CSMD1: variants seen among roughly 807,000 people sequenced by gnomAD.
CSMD1 encodes CUB and sushi domain-containing protein 1.
A neutral mutation model predicts 417.5 loss-of-function variants in CSMD1; 213 were observed. The observed-to-expected ratio is 0.51, with a 90% CI of 0.46 to 0.57. The LOEUF (loss-of-function observed/expected upper bound fraction) is 0.57, where lower values mean the gene tolerates loss of function less well. Ranked by LOEUF, CSMD1 falls within the 20% of genes least tolerant of loss-of-function variation. CSMD1 has a pLI of 0.00. For missense variants in CSMD1, 6,923 were observed against 4,529.7 expected (o/e 1.53, Z -15.17); for synonymous variants, 2,862 against 1,736.8 (o/e 1.65, Z -16.11).
At chr8:4,357,428 G>C (rs1357380642) in intron 3 of CSMD1, among the ~76,000 whole-genome samples, 5 of 151,502 alleles carry the variant, frequency 3.3e-5, no homozygotes, top group Admixed American at 1.3e-4. Flanking sequence ...GAAATATTAA[G>C]AGTTTATATT....
intron 6 of CSMD1, among the ~76,000 whole-genome samples, chr8:3,716,809 T>A (rs1401235445): frequency 1.3e-5 from 2 of 152,308 alleles, no homozygotes; most frequent in Middle Eastern, 3.4e-3. Context: ...TGGTCACTTA[T>A]CCGATGGAAG....
At chr8:4,564,463 T>G (rs150984368) in intron 2 of CSMD1, among the ~76,000 whole-genome samples, 1 of 152,216 alleles carries the variant, frequency 6.6e-6, no homozygotes, top group Non-Finnish European at 1.5e-5. Context: ...GTGAGGGGCC[T>G]GATCCTGGTT....
chr8:3,926,906 G>A (rs1429328493), intron 5 of CSMD1, among the ~76,000 whole-genome samples: 7 of 151,476 alleles, frequency 4.6e-5, no homozygotes, highest in African/African-American at 1.5e-4. Flanking sequence ...AGTAGAGAAA[G>A]GGTTTCACCA....
intron 3 of CSMD1, among the ~76,000 whole-genome samples, chr8:4,328,987 T>C (rs1585242666): frequency 6.6e-6 from 1 of 152,366 alleles, no homozygotes; most frequent in Middle Eastern, 3.4e-3. Flanking sequence ...ATATTTATTT[T>C]TGTGTTTACT....
chr8:3,590,686 G>T (rs1584930986), intron 8 of CSMD1, among the ~76,000 whole-genome samples: 1 of 152,106 alleles, frequency 6.6e-6, no homozygotes, highest in East Asian at 1.9e-4. Flanking sequence ...ATATTAACAG[G>T]AGCAACCTCT....
At position 4,203,771 on chromosome 8, in the gene CSMD1, T is replaced by G. The variant is rs118148291; in HGVS notation, c.416-171672A>C. The stretch of plus-strand genomic sequence containing the variant: ...ATACATATAGACATTTGCATATATA[T>G]GTACATATACATAAGCTAATTTGAG... On this transcript the variant is annotated intron_variant, in intron 3 of 69. Coordinates refer to ENST00000635120, the MANE Select transcript of CSMD1 (RefSeq NM_033225.6). Among the ~76,000 whole-genome samples, 225 of 152,218 alleles carry G rather than the reference T, an allele frequency of 1.5e-3. 1 individual carries two copies. Among genetic ancestry groups the G allele is most frequent in the South Asian group, 0.011 (52 of 4,816 alleles).
At chr8:3,850,676 C>G (rs572548972) in intron 5 of CSMD1, among the ~76,000 whole-genome samples, 9 of 152,142 alleles carry the variant, frequency 5.9e-5, no homozygotes, top group African/African-American at 1.9e-4. Context: ...GCCTGGGTGA[C>G]AGAGTGCGAC....
At chr8:4,438,487 A>G (rs1347182500) in intron 2 of CSMD1, among the ~76,000 whole-genome samples, 1 of 152,208 alleles carries the variant, frequency 6.6e-6, no homozygotes, top group Non-Finnish European at 1.5e-5. Flanking sequence ...CTTGGGTTCC[A>G]CAGCACCTGG....
chr8:4,764,885 A>ACAAAAAAACAAAACAAAACAAAAC (rs1263324929), intron 1 of CSMD1, among the ~76,000 whole-genome samples: 1 of 74,810 alleles, frequency 1.3e-5, no homozygotes, highest in Non-Finnish European at 2.2e-5. Flanking sequence ...AAAAAAAAAA[A>ACAAAAAAACAAAACAAAACAAAAC]AAAAAAAAAC....
chr8:3,176,558 A>C (rs867287953), intron 37 of CSMD1, among the ~76,000 whole-genome samples: 1 of 152,206 alleles, frequency 6.6e-6, no homozygotes, highest in South Asian at 2.1e-4. Flanking sequence ...CCTACTAGAG[A>C]AATTTTCAGA....
intron 12 of CSMD1, among the ~76,000 whole-genome samples, chr8:3,450,075 A>G (rs1177211969): frequency 6.6e-6 from 1 of 152,178 alleles, no homozygotes; most frequent in Non-Finnish European, 1.5e-5. Flanking sequence ...CGAAATTCGG[A>G]AAATCATCTG....
At chr8:4,675,025 T>A (rs1159574734) in intron 1 of CSMD1, among the ~76,000 whole-genome samples, 1 of 152,210 alleles carries the variant, frequency 6.6e-6, no homozygotes, top group Non-Finnish European at 1.5e-5. Flanking sequence ...GGAACTAAAC[T>A]GGCTGCACCT....
At chr8:4,562,448 C>G (rs935553537) in intron 2 of CSMD1, among the ~76,000 whole-genome samples, 1 of 152,066 alleles carries the variant, frequency 6.6e-6, no homozygotes, top group Non-Finnish European at 1.5e-5. Context: ...AGTTATAATT[C>G]AACTCAAACT....
intron 29 of CSMD1, among the ~76,000 whole-genome samples, chr8:3,215,383 A>G (rs1328253194): frequency 6.6e-6 from 1 of 152,238 alleles, no homozygotes; most frequent in East Asian, 1.9e-4. Context: ...AGTTAAAATA[A>G]TTGCTGAAAT....
intron 3 of CSMD1, among the ~76,000 whole-genome samples, chr8:4,135,352 A>AG (rs1803359791): frequency 7.3e-6 from 1 of 137,772 alleles, no homozygotes; most frequent in South Asian, 2.5e-4. Flanking sequence ...GAAGGAAGGG[A>AG]AAGGAGGGAA....
rs200980155 is a variant in CSMD1, at chr8:3,409,430, G to T, written c.1737C>A (p.Ser579Arg). ...TCAAGGCATAATACTCACATACACA[G>T]CTGGGCTTGTTGCCAGACCACTGAT... is the stretch of plus-strand genomic sequence containing the variant. Reference protein sequence around the residue: ...QNNQWSGNKPSCVFSCFFNFT... With the variant: ...QNNQWSGNKPRCVFSCFFNFT... Residue 579 changes from serine to arginine, a missense_variant, in exon 13 of 70, where the codon AGC (serine) becomes AGA (arginine). Transcript: ENST00000635120. 7 of 1,608,948 alleles carry T rather than the reference G, an allele frequency of 4.4e-6. No homozygotes were observed. In the South Asian group the frequency reaches 7.8e-5, roughly 18 times the overall value.
At chr8:3,820,872 C>G (rs552268193) in intron 5 of CSMD1, among the ~76,000 whole-genome samples, 1 of 152,200 alleles carries the variant, frequency 6.6e-6, no homozygotes, top group Non-Finnish European at 1.5e-5. Flanking sequence ...GTCACAATGC[C>G]TTCTTCGGAA....
chr8:3,115,107 G>T (rs1463905022), intron 42 of CSMD1, among the ~76,000 whole-genome samples: 1 of 150,926 alleles, frequency 6.6e-6, no homozygotes, highest in Middle Eastern at 3.2e-3. Flanking sequence ...AACTATATTT[G>T]TAAGTGTGAA....
chr8:3,019,394 AG>A (rs1440355606), intron 51 of CSMD1, among the ~76,000 whole-genome samples: 2 of 152,348 alleles, frequency 1.3e-5, no homozygotes, highest in Admixed American at 1.3e-4. Context: ...CAGAAGCCTC[AG>A]GAGCCTATCA....
Sources: gnomAD v4.1 joint callset for allele counts (sites outside exome capture counted in the v4.1 genomes callset) on GRCh38, gnomAD v4.1.1 for gene constraint, MANE v1.5 for transcripts, NCBI Gene and HGNC (gene_info 2026-07-23, HGNC 2026-07-21) for gene names.